TRAPPC9: variants seen among roughly 807,000 people sequenced by gnomAD.
The protein encoded by TRAPPC9 is trafficking protein particle complex subunit 9, also known as IKK2 binding protein.
A neutral mutation model predicts 124.0 loss-of-function variants in TRAPPC9; 83 were observed. That is an observed-to-expected ratio of 0.67 (90% CI 0.56 to 0.80). The LOEUF (loss-of-function observed/expected upper bound fraction) is 0.80. Among genes scored for constraint, TRAPPC9 ranks in the 30% least tolerant of loss-of-function variants. The pLI is 0.00. For missense variants in TRAPPC9, 1,302 were observed against 1,508.3 expected, an observed-to-expected ratio of 0.86 and a Z score of 2.27; for synonymous variants, 638 against 617.5, an observed-to-expected ratio of 1.03 and a Z score of -0.49.
intron 15 of TRAPPC9, among the ~76,000 whole-genome samples, chr8:140,265,221 G>A (rs1400046026): frequency 2.0e-5 from 3 of 152,208 alleles, no homozygotes; most frequent in Non-Finnish European, 2.9e-5. Flanking sequence ...AGTAACTGAA[G>A]AATGTTCAAA....
At chr8:140,229,619 A>G (rs2063545604) in intron 16 of TRAPPC9, among the ~76,000 whole-genome samples, 1 of 151,758 alleles carries the variant, frequency 6.6e-6, no homozygotes, top group Non-Finnish European at 1.5e-5. Flanking sequence ...CTGAGGCTGG[A>G]GTGTAGCGGC....
At chr8:140,200,110 C>T (rs1318588201) in intron 17 of TRAPPC9, among the ~76,000 whole-genome samples, 4 of 152,216 alleles carry the variant, frequency 2.6e-5, no homozygotes, top group South Asian at 4.1e-4. Context: ...TAGTTTCTCA[C>T]GGCCGGAGAG....
At chr8:140,032,348 A>G (rs1840547453) in intron 17 of TRAPPC9, among the ~76,000 whole-genome samples, 1 of 152,202 alleles carries the variant, frequency 6.6e-6, no homozygotes, top group Non-Finnish European at 1.5e-5. Flanking sequence ...ATGTATCCAC[A>G]TTTATTTACA....
rs1203994665 is a variant in TRAPPC9, at chr8:140,195,457, G to A, written c.2556+26002C>T. On this transcript the variant is annotated intron_variant, in intron 17 of 22. Transcript: ENST00000438773. ...CACTCGACAATCCACCGTACAGCTC[G>A]CACCTGTGACACTAAAACAATGATC... 4.6e-5 allele frequency among the ~76,000 whole-genome samples: 7 copies of A among 150,546 alleles called. No individual in the cohort carries two copies. In the South Asian group the frequency reaches 6.4e-4, roughly 14 times the overall value.
At chr8:140,115,356 C>G (rs1363529270) in intron 17 of TRAPPC9, among the ~76,000 whole-genome samples, 1 of 151,870 alleles carries the variant, frequency 6.6e-6, no homozygotes, top group Non-Finnish European at 1.5e-5. Context: ...CAACCTCTGC[C>G]TCCCAGGTTC....
chr8:140,176,046 T>A (rs2062063566), intron 17 of TRAPPC9, among the ~76,000 whole-genome samples: 1 of 152,220 alleles, frequency 6.6e-6, no homozygotes, highest in Non-Finnish European at 1.5e-5. Flanking sequence ...CAACTCAGTG[T>A]GTGCTAAGTG....
chr8:140,121,769 G>A (rs1453464211), intron 17 of TRAPPC9, among the ~76,000 whole-genome samples: 4 of 152,228 alleles, frequency 2.6e-5, no homozygotes, highest in Non-Finnish European at 4.4e-5. Context: ...AGAGCTCTGT[G>A]CTCCTTCCAG....
chr8:140,274,287 A>T (rs2065049001), intron 15 of TRAPPC9, among the ~76,000 whole-genome samples: 1 of 152,122 alleles, frequency 6.6e-6, no homozygotes, highest in Admixed American at 6.5e-5. Context: ...TGCACCAACA[A>T]GCTACAGGTG....
At chr8:139,868,966 A>G (rs1406385812) in intron 21 of TRAPPC9, among the ~76,000 whole-genome samples, 4 of 152,224 alleles carry the variant, frequency 2.6e-5, no homozygotes, top group African/African-American at 9.6e-5. Flanking sequence ...AAGATGTAGA[A>G]GGAAAGTTTA....
chr8:140,070,617 G>T (rs779206346), intron 17 of TRAPPC9, among the ~76,000 whole-genome samples: 4 of 152,164 alleles, frequency 2.6e-5, no homozygotes, highest in Non-Finnish European at 5.9e-5. Context: ...GAACAGTAGG[G>T]CCTCGTTTCG....
At chr8:140,303,457 G>T (rs1193268121) in intron 10 of TRAPPC9, among the ~76,000 whole-genome samples, 1 of 152,160 alleles carries the variant, frequency 6.6e-6, no homozygotes, top group Non-Finnish European at 1.5e-5. Flanking sequence ...TGTACACACT[G>T]TATCATTTTT....
At chr8:140,244,017 G>C (rs1291743822) in intron 16 of TRAPPC9, among the ~76,000 whole-genome samples, 2 of 152,222 alleles carry the variant, frequency 1.3e-5, no homozygotes, top group East Asian at 3.8e-4. Context: ...TGCACACCAA[G>C]GATCTAGGTT....
intron 21 of TRAPPC9, among the ~76,000 whole-genome samples, chr8:139,864,306 AG>A (rs1384792211): frequency 9.2e-5 from 14 of 152,114 alleles, no homozygotes; most frequent in African/African-American, 3.4e-4. Context: ...CTTCAATGTG[AG>A]GGTTTGGAAA....
At chr8:140,130,401 G>A (rs1414849316) in intron 17 of TRAPPC9, among the ~76,000 whole-genome samples, 1 of 152,126 alleles carries the variant, frequency 6.6e-6, no homozygotes, top group Admixed American at 6.5e-5. Flanking sequence ...AGGTACGATG[G>A]GAACATGGCA....
chr8:140,405,528 G>T, intron 6 of TRAPPC9, 49 bp downstream of exon 6: 1 of 1,606,890 alleles, frequency 6.2e-7, no homozygotes, highest in South Asian at 1.1e-5. Context: ...GGAAACTTCT[G>T]ATTAAACAAC....
chr8:139,905,322 G>A (rs370181305), intron 20 of TRAPPC9, among the ~76,000 whole-genome samples: 3 of 152,336 alleles, frequency 2.0e-5, no homozygotes, highest in East Asian at 3.9e-4. Context: ...GGAAGAAAGG[G>A]CTTAAGAGAC....
At chr8:139,768,211 G>C (rs1406608281) in intron 21 of TRAPPC9, among the ~76,000 whole-genome samples, 2 of 152,182 alleles carry the variant, frequency 1.3e-5, no homozygotes, top group African/African-American at 2.4e-5. Context: ...TTAAGTAAAA[G>C]CATAGTTTTA....
rs1384646731 is a variant in TRAPPC9, at chr8:140,252,762, T to G, written c.2431+15A>C. ...AGGACCCTGACGTGCTAATTAAAATTAGGAAAGCGCTTACCATCACTGAGA... is the reference window on the plus strand; with the variant it reads ...AGGACCCTGACGTGCTAATTAAAATGAGGAAAGCGCTTACCATCACTGAGA... On this transcript the variant is annotated intron_variant, in intron 16 of 22. Coordinates refer to ENST00000438773, the MANE Select transcript of TRAPPC9 (RefSeq NM_001160372.4). This position sits in a 1 kb window ranked among gnomAD's most constrained non-coding sequence, Gnocchi z 4.2. The G allele has an allele frequency of 6.2e-7, 1 of 1,613,118 alleles. No homozygotes were observed. Among genetic ancestry groups the G allele is most frequent in the Non-Finnish European group, 8.5e-7 (1 of 1,180,008 alleles).
chr8:140,152,297 A>C (rs1481579892), intron 17 of TRAPPC9, among the ~76,000 whole-genome samples: 1 of 150,008 alleles, frequency 6.7e-6, no homozygotes, highest in Non-Finnish European at 1.5e-5. Flanking sequence ...CTACCAAAAA[A>C]TGAGCTTTTG....
Sources: allele counts gnomAD v4.1 joint callset (sites outside exome capture counted in the v4.1 genomes callset), GRCh38; gene constraint gnomAD v4.1.1; non-coding constraint Gnocchi (gnomAD v3.1); transcripts MANE v1.5; gene names NCBI Gene and HGNC (gene_info 2026-07-23, HGNC 2026-07-21).